GLI2: variants seen among roughly 807,000 people sequenced by gnomAD.
GLI2 encodes GLI family zinc finger 2, also known as transcription activator GLI2.
A neutral mutation model predicts 78.9 loss-of-function variants in GLI2; 22 were observed. The ratio of observed to expected loss-of-function variants is 0.28; its 90% confidence interval spans 0.20 to 0.40. GLI2 has a LOEUF of 0.40. GLI2 is among the 10% of genes least tolerant of loss of function. The pLI is 1.00. For synonymous variants in GLI2, 974 were observed against 963.7 expected (o/e 1.01, Z -0.20); for missense variants, 2,097 against 2,213.2 (o/e 0.95, Z 1.05).
At position 120,796,517 on chromosome 2, in the gene GLI2, C is replaced by G. The variant is rs531072967; in HGVS notation, c.-30-774C>G. ...GCCTCCTCCCACAAGGCCCCTGGCT[C>G]CTGGCTTTGCCCTCTGACTGCAGTG... On this transcript the variant is annotated intron_variant, in intron 1 of 13. Transcript: ENST00000361492. Among the ~76,000 whole-genome samples the G allele has an allele frequency of 4.6e-5, 7 of 152,330 alleles. No individual in the cohort carries two copies. The South Asian group carries it at 1.5e-3, about 32-fold the overall frequency.
At position 120,984,671 on chromosome 2, in the gene GLI2, C is replaced by A. The variant is rs779724810; in HGVS notation, c.1833C>A (p.Thr611=). The A allele has an allele frequency of 1.9e-6, 3 of 1,613,610 alleles. No individual in the cohort carries two copies. Among genetic ancestry groups the A allele is most frequent in the Non-Finnish European group, 2.5e-6 (3 of 1,180,024 alleles). ...AGTEPGGPES[T]EASSTSQAVE... ...CGGAGCCTGGCGGCCCAGAGAGCACCGAGGCCAGCAGCACCAGCCAGGCCG... is the reference window on the plus strand; with the variant it reads ...CGGAGCCTGGCGGCCCAGAGAGCACAGAGGCCAGCAGCACCAGCCAGGCCG... The change falls in exon 12 of 14, where the codon ACC becomes ACA. Residue 611 remains threonine (T), a synonymous_variant. Coordinates refer to ENST00000361492, the MANE Select transcript of GLI2 (RefSeq NM_001374353.1).
chr2:120,923,407 G>A (rs1425076455), intron 2 of GLI2, among the ~76,000 whole-genome samples: 1 of 151,560 alleles, frequency 6.6e-6, no homozygotes, highest in Admixed American at 6.6e-5. Context: ...CAACATGCAT[G>A]TACATATACA....
In GLI2 at chr2:120,943,692, C is replaced by G. The variant is rs186181308; in HGVS notation, c.255-7551C>G. On this transcript the variant is annotated intron_variant, in intron 3 of 13. Transcript: ENST00000361492. The stretch of plus-strand genomic sequence containing the variant: ...GGAGCTGTTCCTGCCTGTGTCTGGC[C>G]CCAGCCACCAGCACAGATCTTGGAG... 5.4e-3 allele frequency among the ~76,000 whole-genome samples: 816 copies of G among 152,276 alleles called. 18 individuals are homozygous for G. Among genetic ancestry groups the G allele is most frequent in the Admixed American group, 0.045 (683 of 15,302 alleles).
intron 10 of GLI2, among the ~76,000 whole-genome samples, chr2:120,981,745 C>T (rs1682727512): frequency 6.6e-6 from 1 of 152,200 alleles, no homozygotes; most frequent in Non-Finnish European, 1.5e-5. Flanking sequence ...GGAATAGCTG[C>T]AGAGCTTCCT....
In GLI2 at chr2:120,970,373, TTG is replaced by T. The variant is rs1682082819; in HGVS notation, c.846-18_846-17del. ...CTCCCGATCCCCCACCCCCACTTCC[TTG>T]TCTGCTCTCTGTTGCAGCCCAGCCT... On this transcript the variant is annotated intron_variant, in intron 6 of 13. Transcript: ENST00000361492. 1 of 1,249,986 alleles carries T rather than the reference TTG, an allele frequency of 8.0e-7. No individual in the cohort carries two copies. Among genetic ancestry groups the T allele is most frequent in the Non-Finnish European group, 1.2e-6 (1 of 852,280 alleles). 77.4% of individuals were successfully genotyped at this position (1,249,986 alleles called of 1,614,324 possible).
chr2:120,835,420 C>T (rs1211649148), intron 2 of GLI2, among the ~76,000 whole-genome samples: 1 of 148,924 alleles, frequency 6.7e-6, no homozygotes, highest in African/African-American at 2.5e-5. Flanking sequence ...GAGTCTCGCT[C>T]TGTCACCCAG....
intron 3 of GLI2, among the ~76,000 whole-genome samples, chr2:120,943,247 G>T (rs1197534519): frequency 3.9e-5 from 6 of 152,208 alleles, no homozygotes; most frequent in Non-Finnish European, 8.8e-5. Context: ...AGGTCCCTGA[G>T]CTGGCACCTC....
rs77598470 is a variant in GLI2 at position 120,805,985 on chromosome 2, C to G, written c.148+8517C>G. Among the ~76,000 whole-genome samples the G allele has an allele frequency of 5.2e-3, 786 of 152,302 alleles. 9 individuals are homozygous for G. Among genetic ancestry groups the G allele is most frequent in the African/African-American group, 0.018 (751 of 41,568 alleles). On this transcript the variant is annotated intron_variant, in intron 2 of 13. Transcript: ENST00000361492. The stretch of plus-strand genomic sequence containing the variant: ...TTATTTGTAACAATTTCCTCTCTAT[C>G]AAAAGACACAGCTAATGCTGTGTTT...
At chr2:120,905,073 CT>C (rs1678454349) in intron 2 of GLI2, among the ~76,000 whole-genome samples, 1 of 152,250 alleles carries the variant, frequency 6.6e-6, no homozygotes, top group African/African-American at 2.4e-5. Context: ...GGGCACTTAT[CT>C]CATAAAAATA....
At chr2:120,957,728 C>T (rs1303959148) in intron 5 of GLI2, among the ~76,000 whole-genome samples, 1 of 152,228 alleles carries the variant, frequency 6.6e-6, no homozygotes, top group Admixed American at 6.5e-5. Flanking sequence ...TGTGTGTGCA[C>T]GTGTGTGTAC....
intron 2 of GLI2, among the ~76,000 whole-genome samples, chr2:120,872,575 T>C (rs1342515048): frequency 6.6e-6 from 1 of 152,204 alleles, no homozygotes; most frequent in African/African-American, 2.4e-5. Context: ...CCCTGCTCCA[T>C]GGCTGGAAGA....
At chr2:120,873,356 T>A (rs1331473635) in intron 2 of GLI2, among the ~76,000 whole-genome samples, 1 of 152,228 alleles carries the variant, frequency 6.6e-6, no homozygotes, top group Non-Finnish European at 1.5e-5. Context: ...ATAGACCCAT[T>A]TCATGTTAAT....
chr2:120,909,859 C>T (rs572386109), intron 2 of GLI2, among the ~76,000 whole-genome samples: 2 of 152,282 alleles, frequency 1.3e-5, no homozygotes, highest in East Asian at 1.9e-4. Context: ...AGTGAGACTC[C>T]GTCTCAAAAT....
At chr2:120,929,217 G>A (rs1679834278) in intron 3 of GLI2, among the ~76,000 whole-genome samples, 1 of 152,154 alleles carries the variant, frequency 6.6e-6, no homozygotes, top group Non-Finnish European at 1.5e-5. Context: ...ATCCTGTCAG[G>A]AGGCCTATGA....
At position 120,841,382 on chromosome 2, in the gene GLI2, C is replaced by T. The variant is rs182332546; in HGVS notation, c.148+43914C>T. On this transcript the variant is annotated intron_variant, in intron 2 of 13. Coordinates refer to ENST00000361492, the MANE Select transcript of GLI2 (RefSeq NM_001374353.1). ...GGCCTAGTGAAGAGAGAGGAGAGGG[C>T]CCATTTCATCTCACTTTGCCTGGGG... 1.7e-4 allele frequency among the ~76,000 whole-genome samples: 26 copies of T among 152,300 alleles called. No homozygotes were observed. In the East Asian group the frequency reaches 3.9e-3, roughly 23 times the overall value.
At chr2:120,851,629 A>G (rs1239286221) in intron 2 of GLI2, among the ~76,000 whole-genome samples, 1 of 152,178 alleles carries the variant, frequency 6.6e-6, no homozygotes, top group Admixed American at 6.5e-5. Flanking sequence ...GCAGACTGAA[A>G]GGCCCCACCA....
At chr2:120,883,509 A>G (rs1305710481) in intron 2 of GLI2, among the ~76,000 whole-genome samples, 2 of 152,112 alleles carry the variant, frequency 1.3e-5, no homozygotes, top group Non-Finnish European at 2.9e-5. Flanking sequence ...TAAACAAACA[A>G]ACCCACGATA....
intron 2 of GLI2, among the ~76,000 whole-genome samples, chr2:120,885,189 G>A (rs1256273797): frequency 6.6e-6 from 1 of 152,194 alleles, no homozygotes; most frequent in Non-Finnish European, 1.5e-5. Context: ...CATGCAGACC[G>A]GGTCCTAGAG....
chr2:120,938,852 C>T (rs1680315408), intron 3 of GLI2, among the ~76,000 whole-genome samples: 1 of 152,214 alleles, frequency 6.6e-6, no homozygotes, highest in Admixed American at 6.5e-5. Flanking sequence ...CTGAGTTCCC[C>T]ACCAGCGCCA....
Sources: gnomAD v4.1 joint callset for allele counts (sites outside exome capture counted in the v4.1 genomes callset) on GRCh38, gnomAD v4.1.1 for gene constraint, MANE v1.5 for transcripts, NCBI Gene and HGNC (gene_info 2026-07-23, HGNC 2026-07-21) for gene names.